RBFOX1: variants seen among roughly 807,000 people sequenced by gnomAD.
RBFOX1 encodes the protein RNA binding fox-1 homolog 1.
In RBFOX1, 8 loss-of-function variants were observed where a neutral mutation model predicts 57.7. The ratio of observed to expected loss-of-function variants is 0.14; its 90% CI spans 0.08 to 0.25. RBFOX1 has a LOEUF of 0.25. Ranked by LOEUF, RBFOX1 falls within the 10% of genes least tolerant of loss-of-function variation. The probability of loss-of-function intolerance (pLI) is 1.00; values close to 1 mark genes in which losing one functional copy is unlikely to be tolerated. For missense variants in RBFOX1, 611 were observed against 548.5 expected, an observed-to-expected ratio of 1.11 and a Z score of -1.14; for synonymous variants, 326 against 222.4, an observed-to-expected ratio of 1.47 and a Z score of -4.15.
chr16:7,318,065 C>T (rs1367618480), intron 4 of RBFOX1, among the ~76,000 whole-genome samples: 5 of 148,948 alleles, frequency 3.4e-5, no homozygotes, highest in Non-Finnish European at 5.9e-5. Flanking sequence ...TGAATGGTGA[C>T]GGTGGTAGTA....
intron 1 of RBFOX1, among the ~76,000 whole-genome samples, chr16:5,343,301 T>C (rs961522455): frequency 2.1e-5 from 3 of 143,122 alleles, no homozygotes; most frequent in African/African-American, 8.8e-5. Flanking sequence ...CTTTGAAGTT[T>C]TTTTTTTTTT....
chr16:7,260,613 CAG>C (rs1198367311), intron 4 of RBFOX1, among the ~76,000 whole-genome samples: 3 of 152,140 alleles, frequency 2.0e-5, no homozygotes, highest in Middle Eastern at 3.2e-3. Flanking sequence ...GGTAAGATAA[CAG>C]AGTCTGGCTA....
intron 3 of RBFOX1, among the ~76,000 whole-genome samples, chr16:6,833,011 C>T (rs1049802575): frequency 4.6e-5 from 7 of 152,088 alleles, no homozygotes; most frequent in Non-Finnish European, 1.0e-4. Context: ...TGTTCTAACT[C>T]AGCACTAGTC....
intron 1 of RBFOX1, among the ~76,000 whole-genome samples, chr16:5,256,721 G>A (rs1041454651): frequency 2.0e-5 from 3 of 152,020 alleles, no homozygotes; most frequent in African/African-American, 7.3e-5. Flanking sequence ...GATCACTTGA[G>A]GCCAGGAGTT....
intron 4 of RBFOX1, among the ~76,000 whole-genome samples, chr16:7,145,633 A>G (rs1394189904): frequency 6.6e-6 from 1 of 151,904 alleles, no homozygotes; most frequent in African/African-American, 2.4e-5. Flanking sequence ...GTATTTAGGA[A>G]CCATGCTCAT....
intron 3 of RBFOX1, among the ~76,000 whole-genome samples, chr16:6,846,979 C>A (rs2093791581): frequency 1.3e-5 from 2 of 151,742 alleles, no homozygotes; most frequent in African/African-American, 4.8e-5. Context: ...AAAGTGATTT[C>A]CTTCTTTCTG....
At chr16:6,216,218 A>T (rs1249046655) in intron 1 of RBFOX1, among the ~76,000 whole-genome samples, 1 of 152,122 alleles carries the variant, frequency 6.6e-6, no homozygotes, top group South Asian at 2.1e-4. Flanking sequence ...AATCTGAACA[A>T]CAACCCCCCA....
chr16:7,114,079 C>G (rs2065355215), intron 4 of RBFOX1, among the ~76,000 whole-genome samples: 1 of 152,188 alleles, frequency 6.6e-6, no homozygotes, highest in Admixed American at 6.5e-5. Context: ...AAAATTTTCT[C>G]TCACCTCAGA....
At chr16:7,689,664 A>G (rs1349819970) in intron 14 of RBFOX1, among the ~76,000 whole-genome samples, 1 of 152,068 alleles carries the variant, frequency 6.6e-6, no homozygotes, top group Non-Finnish European at 1.5e-5. Context: ...AGAATATAGA[A>G]AAGTTGTGGG....
chr16:6,634,419 T>G (rs2098414864), intron 2 of RBFOX1, among the ~76,000 whole-genome samples: 2 of 151,870 alleles, frequency 1.3e-5, no homozygotes, highest in Admixed American at 1.3e-4. Context: ...AAAATAGGGA[T>G]AATCACTGTG....
chr16:6,192,491 C>T lies in RBFOX1; in HGVS notation c.-126-124504C>T, dbSNP rs115846648. On this transcript the variant is annotated intron_variant, in intron 1 of 15. Transcript: ENST00000550418. ...CCATTTTCCCCTTCCTTCCTCCCAA[C>T]ACCCCCATACACATGCACAGCTCAC... 3.0e-3 allele frequency among the ~76,000 whole-genome samples: 459 copies of T among 152,216 alleles called. 3 individuals are homozygous for T. The highest frequency in any genetic ancestry group is 0.011 in the African/African-American group (438 of 41,524).
intron 2 of RBFOX1, among the ~76,000 whole-genome samples, chr16:6,409,366 A>T (rs1157204867): frequency 3.3e-5 from 5 of 152,190 alleles, no homozygotes; most frequent in Admixed American, 2.6e-4. Context: ...GTGAGCCGAG[A>T]TCATGCCATT....
chr16:7,690,454 G>T (rs976826942), intron 14 of RBFOX1, among the ~76,000 whole-genome samples: 1 of 152,108 alleles, frequency 6.6e-6, no homozygotes, highest in Non-Finnish European at 1.5e-5. Flanking sequence ...TGCAGCCAAG[G>T]TTGAGAACGA....
chr16:6,425,812 A>G (rs1303505287), intron 2 of RBFOX1, among the ~76,000 whole-genome samples: 1 of 152,120 alleles, frequency 6.6e-6, no homozygotes, highest in East Asian at 1.9e-4. Context: ...GAGTTTAATC[A>G]CCATTACTCT....
intron 1 of RBFOX1, among the ~76,000 whole-genome samples, chr16:6,308,187 A>C (rs12444646): frequency 0.3 from 46,149 of 151,986 alleles, 7,091 homozygotes; most frequent in East Asian, 0.34. Flanking sequence ...AAATTATAAT[A>C]ATTTACATTG....
intron 3 of RBFOX1, among the ~76,000 whole-genome samples, chr16:6,953,183 T>C (rs1026816440): frequency 6.6e-6 from 1 of 152,142 alleles, no homozygotes. Flanking sequence ...CATTCCCTTA[T>C]ATTTTGCTAA....
intron 3 of RBFOX1, among the ~76,000 whole-genome samples, chr16:6,911,046 C>G (rs543667143): frequency 1.3e-5 from 2 of 151,856 alleles, no homozygotes; most frequent in Non-Finnish European, 2.9e-5. Flanking sequence ...ACCAAAAATA[C>G]AAAAATTAGC....
intron 4 of RBFOX1, among the ~76,000 whole-genome samples, chr16:7,439,173 G>T (rs1254426723): frequency 2.6e-5 from 4 of 152,194 alleles, no homozygotes; most frequent in Non-Finnish European, 5.9e-5. Flanking sequence ...CCTTCGCGCT[G>T]TGTCGTCTTC....
chr16:5,496,498 C>G (rs1302325127), intron 2 of RBFOX1, among the ~76,000 whole-genome samples: 1 of 152,178 alleles, frequency 6.6e-6, no homozygotes, highest in Non-Finnish European at 1.5e-5. Context: ...GTCACATCTT[C>G]TTTCCTCATC....
Sources: gnomAD v4.1 joint callset for allele counts (sites outside exome capture counted in the v4.1 genomes callset) on GRCh38, gnomAD v4.1.1 for gene constraint, MANE v1.5 for transcripts, NCBI Gene and HGNC (gene_info 2026-07-23, HGNC 2026-07-21) for gene names.